The following TTLL5 variants were observed in gnomAD, a reference collection of about 807,000 sequenced individuals.
The protein encoded by TTLL5 is tubulin tyrosine ligase like 5.
TTLL5 carries 132 observed loss-of-function variants against 168.4 expected under a neutral mutation model. That is an observed-to-expected ratio of 0.78 (90% CI 0.68 to 0.91). The LOEUF (loss-of-function observed/expected upper bound fraction) is 0.91. TTLL5 is among the 40% of genes least tolerant of loss of function. The pLI, the probability that TTLL5 is intolerant of heterozygous loss-of-function variation, is 0.00. For synonymous variants in TTLL5, 546 were observed against 558.6 expected (o/e 0.98, Z 0.32); for missense variants, 1,545 against 1,581.5 (o/e 0.98, Z 0.39).
chr14:75,873,215 A>G (rs2031191752), intron 29 of TTLL5, among the ~76,000 whole-genome samples: 1 of 151,888 alleles, frequency 6.6e-6, no homozygotes, highest in Non-Finnish European at 1.5e-5. Context: ...CTGGGACTAC[A>G]GGTGCCCACC....
intron 15 of TTLL5, 56 bp from the exon 16 acceptor site, chr14:75,745,039 A>C (rs932518824): frequency 1.5e-6 from 2 of 1,353,442 alleles, no homozygotes; most frequent in African/African-American, 2.9e-5. Context: ...GAGGGTAATG[A>C]GGAGTAATGA....
chr14:75,882,861 C>T lies in TTLL5; in HGVS notation c.3699C>T (p.His1233=), dbSNP rs185999044. 9.4e-5 allele frequency: 152 copies of T among 1,614,114 alleles called. 1 individual carries two copies. The Admixed American group carries it at 2.4e-3, about 25-fold the overall frequency. ...TGGTTCCCAAACCCCCACCCAACCA[C>T]GAACAAGTGCTCAGAAGGGCAACAT... is the stretch of plus-strand genomic sequence containing the variant. ...ASLVPKPPPN[H]EQVLRRATSQ... The change falls in exon 30 of 32, where the codon CAC becomes CAT. Residue 1233 remains histidine, a synonymous_variant. Transcript: ENST00000298832.
chr14:75,724,432 A>G lies in TTLL5; in HGVS notation c.1042+3729A>G, dbSNP rs567429841. Among the ~76,000 whole-genome samples the G allele has an allele frequency of 3.3e-3, 503 of 152,332 alleles. 3 individuals carry two copies. Among genetic ancestry groups the G allele is most frequent in the African/African-American group, 0.011 (469 of 41,576 alleles). On this transcript the variant is annotated intron_variant, in intron 12 of 31. Coordinates refer to ENST00000298832, the MANE Select transcript of TTLL5 (RefSeq NM_015072.5). ...ATGAGATACAGATATAGATATATATATACCTCCATTGCACTATTAGTGTTT... is the reference window on the plus strand; with the variant it reads ...ATGAGATACAGATATAGATATATATGTACCTCCATTGCACTATTAGTGTTT...
At chr14:75,729,742 C>T (rs1888413971) in intron 12 of TTLL5, among the ~76,000 whole-genome samples, 1 of 152,208 alleles carries the variant, frequency 6.6e-6, no homozygotes, top group Admixed American at 6.5e-5. Flanking sequence ...TGGGCACCCT[C>T]TCTGTAGAGG....
chr14:75,667,944 A>G (rs769599774), intron 2 of TTLL5, among the ~76,000 whole-genome samples: 4 of 151,760 alleles, frequency 2.6e-5, no homozygotes, highest in Non-Finnish European at 4.4e-5. Flanking sequence ...TATTTTTAGT[A>G]GAGACGGGGT....
In TTLL5 at chr14:75,732,396, G is replaced by A; in HGVS notation, c.1101G>A (p.Val367=). The change falls in exon 13 of 32, where the codon GTG becomes GTA. Residue 367 remains valine, a synonymous_variant. Coordinates refer to ENST00000298832, the MANE Select transcript of TTLL5 (RefSeq NM_015072.5). ...CTCTGAAGCCATGGTTGTTGGAAGT[G>A]AATCTCTCTCCTTCTTTGGCCTGGT... ...DSTLKPWLLE[V]NLSPSLACDA... 2 of 1,613,718 alleles carry A rather than the reference G, an allele frequency of 1.2e-6. No homozygotes were observed. Among genetic ancestry groups the A allele is most frequent in the Non-Finnish European group, 1.7e-6 (2 of 1,179,852 alleles).
intron 24 of TTLL5, among the ~76,000 whole-genome samples, chr14:75,780,751 C>T (rs1892000304): frequency 6.6e-6 from 1 of 152,212 alleles, no homozygotes; most frequent in Non-Finnish European, 1.5e-5. Flanking sequence ...GGCCAATCCA[C>T]ATAAGCCTGT....
rs1885357940 is a variant in TTLL5, at chr14:75,690,329, G to A, written c.502+7G>A. On this transcript the variant is annotated splice_region_variant and intron_variant, in intron 6 of 31. Transcript: ENST00000298832. ...GAGTACGCGGAATTTTGTAGTAAGTGCTTGACAGAGAATGCCCCAGTCCCC... is the reference window on the plus strand; with the variant it reads ...GAGTACGCGGAATTTTGTAGTAAGTACTTGACAGAGAATGCCCCAGTCCCC... The A allele has an allele frequency of 6.3e-7, 1 of 1,598,734 alleles. No individual in the cohort carries two copies. Among genetic ancestry groups the A allele is most frequent in the Non-Finnish European group, 8.5e-7 (1 of 1,174,160 alleles).
intron 30 of TTLL5, among the ~76,000 whole-genome samples, chr14:75,891,957 G>A (rs1052547748): frequency 2.0e-5 from 3 of 152,184 alleles, no homozygotes; most frequent in Admixed American, 6.5e-5. Context: ...GCTGGTCAGC[G>A]TAGTTGTATT....
intron 18 of TTLL5, among the ~76,000 whole-genome samples, chr14:75,755,633 C>T (rs1281066089): frequency 1.3e-5 from 2 of 151,980 alleles, no homozygotes; most frequent in Middle Eastern, 3.2e-3. Flanking sequence ...TTGTTATGTT[C>T]ATCTTTGTCA....
chr14:75,766,958 G>A (rs1890999983), intron 20 of TTLL5, among the ~76,000 whole-genome samples: 1 of 152,124 alleles, frequency 6.6e-6, no homozygotes, highest in African/African-American at 2.4e-5. Context: ...AAGGTCAGGA[G>A]TTCGAGACCA....
At chr14:75,716,984 C>A (rs1382141230) in intron 9 of TTLL5, among the ~76,000 whole-genome samples, 1 of 152,132 alleles carries the variant, frequency 6.6e-6, no homozygotes, top group African/African-American at 2.4e-5. Flanking sequence ...TTAATGCTGT[C>A]ATTATCATTC....
chr14:75,913,482 C>T (rs571866494), intron 31 of TTLL5, among the ~76,000 whole-genome samples: 3 of 152,150 alleles, frequency 2.0e-5, no homozygotes, highest in South Asian at 2.1e-4. Flanking sequence ...TCCTGGAATG[C>T]GAGGATCAGG....
At chr14:75,678,966 T>C (rs191713259) in intron 3 of TTLL5, among the ~76,000 whole-genome samples, 230 of 152,332 alleles carry the variant, frequency 1.5e-3, no homozygotes, top group African/African-American at 5.1e-3. Context: ...CTTACTCTTA[T>C]AGTTTTTGTA....
chr14:75,811,156 A>AGTGTGTGTGTGT (rs148883248), intron 27 of TTLL5, among the ~76,000 whole-genome samples: 5 of 116,530 alleles, frequency 4.3e-5, no homozygotes, highest in African/African-American at 1.0e-4. Flanking sequence ...TGAAAGAAAG[A>AGTGTGTGTGTGT]GTGTGTGTGT....
intron 5 of TTLL5, among the ~76,000 whole-genome samples, chr14:75,687,191 TTTGCAACC>T (rs1434832950): frequency 3.9e-5 from 6 of 152,216 alleles, no homozygotes; most frequent in Non-Finnish European, 8.8e-5. Flanking sequence ...AGACAAGATC[TTTGCAACC>T]TTGTGTTAGA....
chr14:75,771,318 T>C (rs980917355), intron 20 of TTLL5, among the ~76,000 whole-genome samples: 4 of 152,144 alleles, frequency 2.6e-5, no homozygotes, highest in Non-Finnish European at 5.9e-5. Context: ...GTCCAGCTAG[T>C]TGGGTGGCTG....
intron 31 of TTLL5, among the ~76,000 whole-genome samples, chr14:75,949,507 G>C (rs2034888739): frequency 6.7e-6 from 1 of 148,916 alleles, no homozygotes; most frequent in Non-Finnish European, 1.5e-5. Flanking sequence ...ACCTTACCAA[G>C]AGATGCTTTA....
At chr14:75,714,853 G>C (rs1287149617) in intron 9 of TTLL5, among the ~76,000 whole-genome samples, 1 of 152,072 alleles carries the variant, frequency 6.6e-6, no homozygotes, top group Non-Finnish European at 1.5e-5. Flanking sequence ...TTGTTTTGGG[G>C]CATTTCTGCT....
Sources: gnomAD v4.1 joint callset for allele counts (sites outside exome capture counted in the v4.1 genomes callset) on GRCh38, gnomAD v4.1.1 for gene constraint, MANE v1.5 for transcripts, NCBI Gene and HGNC (gene_info 2026-07-23, HGNC 2026-07-21) for gene names.